Variants in FSD1L observed in about 807,000 individuals in gnomAD.
The protein encoded by FSD1L is fibronectin type III and SPRY domain containing 1 like.
FSD1L carries 45 observed loss-of-function variants against 71.6 expected under a neutral mutation model. That is an observed-to-expected ratio of 0.63 (90% CI 0.49 to 0.81). The LOEUF (loss-of-function observed/expected upper bound fraction) is 0.81. Ranked by LOEUF, FSD1L falls within the 30% of genes least tolerant of loss-of-function variation. FSD1L has a pLI of 0.00. For synonymous variants in FSD1L, 197 were observed against 207.2 expected (o/e 0.95, Z 0.42); for missense variants, 561 against 618.1 (o/e 0.91, Z 0.98).
chr9:105,461,189 C>T (rs546777490), intron 1 of FSD1L, among the ~76,000 whole-genome samples: 2 of 152,214 alleles, frequency 1.3e-5, no homozygotes, highest in East Asian at 1.9e-4. Flanking sequence ...CCTATTTCCA[C>T]TCTTAGAAAT....
At chr9:105,540,470 G>C (rs1836539192) in intron 13 of FSD1L, among the ~76,000 whole-genome samples, 1 of 151,950 alleles carries the variant, frequency 6.6e-6, no homozygotes, top group East Asian at 1.9e-4. Context: ...TTTGTGTTCT[G>C]TTTAAGAAAT....
At chr9:105,540,870 C>T (rs1836567778) in intron 13 of FSD1L, among the ~76,000 whole-genome samples, 1 of 152,066 alleles carries the variant, frequency 6.6e-6, no homozygotes, top group Non-Finnish European at 1.5e-5. Flanking sequence ...TTGCTTTTTC[C>T]AACTCATAAC....
intron 1 of FSD1L, among the ~76,000 whole-genome samples, chr9:105,451,368 G>A (rs894872702): frequency 8.5e-5 from 13 of 152,376 alleles, no homozygotes; most frequent in African/African-American, 2.9e-4. Context: ...AGGTTTGGAA[G>A]TTCTGAGTCA....
At chr9:105,519,129 C>T (rs1414547790) in intron 10 of FSD1L, among the ~76,000 whole-genome samples, 1 of 152,084 alleles carries the variant, frequency 6.6e-6, no homozygotes, top group Non-Finnish European at 1.5e-5. Context: ...CTGAATAGAC[C>T]AATAACAAAT....
chr9:105,519,822 G>T (rs930459725), intron 10 of FSD1L, among the ~76,000 whole-genome samples: 2 of 152,098 alleles, frequency 1.3e-5, no homozygotes, highest in Non-Finnish European at 2.9e-5. Flanking sequence ...GGCGGCGAGC[G>T]GCGGCCGCTG....
intron 1 of FSD1L, among the ~76,000 whole-genome samples, chr9:105,450,382 A>G (rs1016814486): frequency 6.6e-6 from 1 of 152,228 alleles, no homozygotes; most frequent in Non-Finnish European, 1.5e-5. Flanking sequence ...GCTTTACATT[A>G]GTAAGAGGAT....
chr9:105,500,022 G>A (rs551312822), intron 7 of FSD1L, among the ~76,000 whole-genome samples: 5 of 152,090 alleles, frequency 3.3e-5, no homozygotes, highest in African/African-American at 4.8e-5. Flanking sequence ...CTTTCTTTGC[G>A]GTTTTTTCTT....
chr9:105,467,140 A>G (rs1295995559), intron 3 of FSD1L, among the ~76,000 whole-genome samples: 4 of 152,134 alleles, frequency 2.6e-5, no homozygotes, highest in Non-Finnish European at 5.9e-5. Context: ...TCCCTTCCTG[A>G]CTGCACATTC....
chr9:105,456,618 T>C (rs1467091312), intron 1 of FSD1L, among the ~76,000 whole-genome samples: 1 of 152,260 alleles, frequency 6.6e-6, no homozygotes, highest in Admixed American at 6.5e-5. Context: ...ATGATGCTTT[T>C]TCTTGTTGGT....
intron 10 of FSD1L, chr9:105,520,070 T>G: frequency 6.4e-7 from 1 of 1,552,620 alleles, no homozygotes; most frequent in Non-Finnish European, 8.7e-7. Flanking sequence ...CCCTCCACTT[T>G]CTGCCGCTGG....
In FSD1L at chr9:105,547,657, A is replaced by G. The variant is rs751758327; in HGVS notation, c.*1174A>G. 6.6e-6 allele frequency: 1 copy of G among 152,124 alleles called. No homozygotes were observed. The highest frequency in any genetic ancestry group is 2.4e-5 in the African/African-American group (1 of 41,460). The allele number at this position is 152,124 out of a possible 1,614,324, so 9.4% of individuals were successfully genotyped here. On this transcript the variant is annotated 3_prime_UTR_variant, in exon 14 of 14. Coordinates refer to ENST00000481272, the MANE Select transcript of FSD1L (RefSeq NM_001145313.3). Reference sequence around the variant, plus strand: ...AATGTTAATTATTACAAAAATTGACATAGATATCTTTCCCAAACTTGGGGT... The same window carrying G: ...AATGTTAATTATTACAAAAATTGACGTAGATATCTTTCCCAAACTTGGGGT...
In FSD1L at chr9:105,548,539, T is replaced by C. The variant is rs1477984207; in HGVS notation, c.*2056T>C. ...ATGTTTAAGCTACAGAGCATTGTTG[T>C]AGTGGTGAGGGCCCTCTGTTGCAGG... On this transcript the variant is annotated 3_prime_UTR_variant, in exon 14 of 14. Transcript: ENST00000481272. 3 of 152,502 alleles carry C rather than the reference T, an allele frequency of 2.0e-5. No individual in the cohort carries two copies. The highest frequency in any genetic ancestry group is 4.4e-5 in the Non-Finnish European group (3 of 67,962). 9.4% of individuals were successfully genotyped at this position (152,502 alleles called of 1,614,324 possible).
intron 10 of FSD1L, among the ~76,000 whole-genome samples, chr9:105,531,751 T>C (rs1835908709): frequency 6.6e-6 from 1 of 152,168 alleles, no homozygotes; most frequent in Admixed American, 6.5e-5. Flanking sequence ...GAATGTACTT[T>C]CATTTCAGAT....
At chr9:105,494,531 C>G (rs1341224853) in intron 7 of FSD1L, among the ~76,000 whole-genome samples, 4 of 152,200 alleles carry the variant, frequency 2.6e-5, no homozygotes, top group Non-Finnish European at 4.4e-5. Context: ...CAGCTTTGCT[C>G]CATTTCTGGT....
chr9:105,515,110 T>A (rs1252405815), intron 10 of FSD1L, among the ~76,000 whole-genome samples: 1 of 152,066 alleles, frequency 6.6e-6, no homozygotes, highest in Non-Finnish European at 1.5e-5. Flanking sequence ...CTCTCGAAAC[T>A]ACAGTGCACT....
intron 13 of FSD1L, among the ~76,000 whole-genome samples, chr9:105,539,983 G>A (rs142767774): frequency 6.6e-6 from 1 of 152,140 alleles, no homozygotes; most frequent in East Asian, 1.9e-4. Context: ...AAATGTATGT[G>A]TATATTTCCA....
At chr9:105,520,071 C>G (rs1272533714) in intron 10 of FSD1L, 3 of 1,553,842 alleles carry the variant, frequency 1.9e-6, no homozygotes, top group Non-Finnish European at 2.6e-6. Context: ...CCTCCACTTT[C>G]TGCCGCTGGG....
In FSD1L at chr9:105,532,074, C is replaced by T. The variant is rs1326418720; in HGVS notation, c.1026-2419C>T. Among the ~76,000 whole-genome samples, 8 of 152,252 alleles carry T rather than the reference C, an allele frequency of 5.3e-5. No individual in the cohort carries two copies. The South Asian group carries it at 1.4e-3, about 28-fold the overall frequency. ...CTAAATCTGGCTTCTTCCCAGAGTA[C>T]CTCTGTGGCATCTGTGGATTCCCTT... On this transcript the variant is annotated intron_variant, in intron 10 of 13. Coordinates refer to ENST00000481272, the MANE Select transcript of FSD1L (RefSeq NM_001145313.3).
At chr9:105,448,256 C>CG in intron 1 of FSD1L, 21 bp downstream of exon 1, 3 of 1,295,606 alleles carry the variant, frequency 2.3e-6, no homozygotes, top group Non-Finnish European at 2.0e-6. Context: ...GAGGGGAGCC[C>CG]GGGGCTACCG....
Sources: allele counts gnomAD v4.1 joint callset (sites outside exome capture counted in the v4.1 genomes callset), GRCh38; gene constraint gnomAD v4.1.1; transcripts MANE v1.5; gene names NCBI Gene and HGNC (gene_info 2026-07-23, HGNC 2026-07-21).